Variants in LPP observed in about 807,000 individuals in gnomAD.
LPP encodes the protein lipoma-preferred partner.
LPP carries 38 observed loss-of-function variants against 60.4 expected under a neutral mutation model. The observed-to-expected ratio is 0.63, with a 90% confidence interval of 0.49 to 0.83. The LOEUF is 0.83. LPP is among the 40% of genes least tolerant of loss of function. The probability of loss-of-function intolerance (pLI) is 0.00; values close to 1 mark genes in which losing one functional copy is unlikely to be tolerated. For synonymous variants in LPP, 328 were observed against 290.8 expected (o/e 1.13, Z -1.30); for missense variants, 902 against 783.6 (o/e 1.15, Z -1.80).
intron 6 of LPP, among the ~76,000 whole-genome samples, chr3:188,535,782 G>A (rs1038402700): frequency 1.3e-5 from 2 of 151,984 alleles, no homozygotes; most frequent in African/African-American, 2.4e-5. Flanking sequence ...TTACTGTTGA[G>A]ATAACATAAG....
Position 188,670,237 on chromosome 3 carries a change from G to A in LPP, c.1114-38030G>A, listed in dbSNP as rs370604107. On this transcript the variant is annotated intron_variant, in intron 7 of 11. Coordinates refer to ENST00000617246, the MANE Select transcript of LPP (RefSeq NM_001375462.1). ...CTGCATGTTGTGCATATGTATCCTA[G>A]AACGTAAAGTATAATAATAAAAAAA... 5.9e-5 allele frequency among the ~76,000 whole-genome samples: 9 copies of A among 152,152 alleles called. 1 individual carries two copies. Among genetic ancestry groups the A allele is most frequent in the Admixed American group, 2.0e-4 (3 of 15,288 alleles).
chr3:188,844,180 C>T (rs750536600), intron 9 of LPP, among the ~76,000 whole-genome samples: 1 of 152,142 alleles, frequency 6.6e-6, no homozygotes, highest in Non-Finnish European at 1.5e-5. Flanking sequence ...TTTGGTGGCA[C>T]CTTCTAAACT....
At chr3:188,418,122 A>G (rs1375213321) in intron 4 of LPP, among the ~76,000 whole-genome samples, 1 of 152,224 alleles carries the variant, frequency 6.6e-6, no homozygotes, top group Admixed American at 6.5e-5. Context: ...CAACGTTATT[A>G]TAGTTCCTAC....
chr3:188,708,731 G>A (rs1865985019), intron 8 of LPP: 2 of 388,334 alleles, frequency 5.2e-6, no homozygotes, highest in East Asian at 4.1e-5. Flanking sequence ...GGTGGCATGT[G>A]CCTGCAGTCC....
intron 9 of LPP, among the ~76,000 whole-genome samples, chr3:188,780,721 T>A (rs888646253): frequency 6.6e-6 from 1 of 151,888 alleles, no homozygotes; most frequent in Non-Finnish European, 1.5e-5. Context: ...CCCCTCAGGA[T>A]CCCACCCCGC....
At chr3:188,484,438 G>C (rs1161174271) in intron 4 of LPP, among the ~76,000 whole-genome samples, 154 bp from the exon 5 acceptor site, 1 of 152,030 alleles carries the variant, frequency 6.6e-6, no homozygotes, top group Non-Finnish European at 1.5e-5. Flanking sequence ...ACTAATTAAG[G>C]CTACTAATTA....
At chr3:188,578,209 C>A (rs924103140) in intron 6 of LPP, among the ~76,000 whole-genome samples, 1 of 151,872 alleles carries the variant, frequency 6.6e-6, no homozygotes, top group Admixed American at 6.6e-5. Context: ...GTGGAGTGGC[C>A]ACTATGGTCC....
chr3:188,414,728 T>G (rs1404202755), intron 4 of LPP, among the ~76,000 whole-genome samples: 1 of 152,178 alleles, frequency 6.6e-6, no homozygotes, highest in Non-Finnish European at 1.5e-5. Context: ...CCAGGAGTGC[T>G]GTAAATAACC....
intron 9 of LPP, among the ~76,000 whole-genome samples, chr3:188,817,405 C>T (rs1396904927): frequency 2.0e-5 from 3 of 152,116 alleles, no homozygotes; most frequent in African/African-American, 7.2e-5. Flanking sequence ...AGCTCTGAAT[C>T]GATGGAAGAT....
chr3:188,817,646 C>A (rs1370349768), intron 9 of LPP, among the ~76,000 whole-genome samples: 1 of 152,158 alleles, frequency 6.6e-6, no homozygotes, highest in Admixed American at 6.5e-5. Flanking sequence ...CAAAACCCAG[C>A]CCTGTTTGAA....
chr3:188,381,201 G>A (rs1776794756), intron 3 of LPP, among the ~76,000 whole-genome samples: 1 of 150,496 alleles, frequency 6.6e-6, no homozygotes, highest in African/African-American at 2.4e-5. Flanking sequence ...AAACACCAAA[G>A]TCAGATTATG....
At chr3:188,156,632 T>A (rs1053466626) in intron 1 of LPP, among the ~76,000 whole-genome samples, 2 of 152,070 alleles carry the variant, frequency 1.3e-5, no homozygotes, top group African/African-American at 4.8e-5. Context: ...GTCAGGAGTT[T>A]AAGACAGCCT....
chr3:188,370,917 T>A (rs572977606), intron 3 of LPP, among the ~76,000 whole-genome samples: 1 of 152,206 alleles, frequency 6.6e-6, no homozygotes, highest in Admixed American at 6.5e-5. Flanking sequence ...GCCATTGTTT[T>A]ATTTTATTTT....
At chr3:188,173,054 C>T (rs1018622041) in intron 1 of LPP, among the ~76,000 whole-genome samples, 31 of 152,118 alleles carry the variant, frequency 2.0e-4, no homozygotes, top group African/African-American at 7.0e-4. Context: ...TTTTTTGTAG[C>T]GACAGGGTCT....
chr3:188,660,165 T>A (rs1300011202), intron 7 of LPP, among the ~76,000 whole-genome samples: 1 of 152,182 alleles, frequency 6.6e-6, no homozygotes, highest in African/African-American at 2.4e-5. Flanking sequence ...CTCTCCTTAC[T>A]TTTGCCTTGG....
chr3:188,470,281 T>TACACACACACACAC (rs59656753), intron 4 of LPP, among the ~76,000 whole-genome samples: 2 of 126,774 alleles, frequency 1.6e-5, no homozygotes, highest in East Asian at 5.6e-4. Context: ...CTCTCTCTCA[T>TACACACACACACAC]ACACACACAC....
intron 4 of LPP, among the ~76,000 whole-genome samples, chr3:188,439,433 C>T (rs902608851): frequency 2.6e-5 from 4 of 152,188 alleles, no homozygotes; most frequent in African/African-American, 9.6e-5. Flanking sequence ...GAGAGTAAAA[C>T]AAACCTTCAT....
intron 5 of LPP, among the ~76,000 whole-genome samples, chr3:188,512,558 TATAAATAA>T (rs10663448): frequency 8.2e-4 from 116 of 140,736 alleles, no homozygotes; most frequent in South Asian, 5.4e-3. Context: ...AAACCCGGTC[TATAAATAA>T]ATAAATAAAT....
chr3:188,506,308 T>C (rs1426266), intron 5 of LPP, among the ~76,000 whole-genome samples: 82,487 of 152,008 alleles, frequency 0.54, 26,354 homozygotes, highest in Non-Finnish European at 0.71. Flanking sequence ...TTTTGAGGAC[T>C]AATTAAGATA....
Sources: gnomAD v4.1 joint callset for allele counts (sites outside exome capture counted in the v4.1 genomes callset) on GRCh38, gnomAD v4.1.1 for gene constraint, MANE v1.5 for transcripts, NCBI Gene and HGNC (gene_info 2026-07-23, HGNC 2026-07-21) for gene names.